The following ITGB6 variants were observed in gnomAD, a reference collection of about 807,000 sequenced individuals.
The protein encoded by ITGB6 is integrin beta-6.
Under a neutral mutation model 84.5 loss-of-function variants are expected in ITGB6, and 80 were observed. That is an observed-to-expected ratio of 0.95 (90% CI 0.79 to 1.14). The LOEUF (loss-of-function observed/expected upper bound fraction) is 1.14. Ranked by LOEUF, ITGB6 falls within the 50% of genes most tolerant of loss-of-function variation. ITGB6 has a pLI of 0.00. For missense variants in ITGB6, 1,006 were observed against 968.0 expected (o/e 1.04, Z -0.52); for synonymous variants, 383 against 354.9 (o/e 1.08, Z -0.89).
chr2:160,167,525 C>T (rs902822653), intron 7 of ITGB6, among the ~76,000 whole-genome samples: 6 of 152,198 alleles, frequency 3.9e-5, no homozygotes, highest in Non-Finnish European at 5.9e-5. Context: ...CAGATCATGA[C>T]AGAACATAAA....
intron 7 of ITGB6, among the ~76,000 whole-genome samples, chr2:160,147,397 CTT>C (rs1684238474): frequency 6.6e-6 from 1 of 152,066 alleles, no homozygotes; most frequent in Non-Finnish European, 1.5e-5. Flanking sequence ...ATAAATAAGA[CTT>C]AAAATTAATA....
In ITGB6 at chr2:160,112,226, G is replaced by T. The variant is rs777425736; in HGVS notation, c.1982-27C>A. On this transcript the variant is annotated intron_variant, in intron 12 of 14. Coordinates refer to ENST00000283249, the MANE Select transcript of ITGB6 (RefSeq NM_000888.5). ...TGCAGATAAAGGAGTCATTCATTAG[G>T]TTAAACAAGATTCCAAAAGAGATTG... The T allele has an allele frequency of 5.2e-6, 8 of 1,539,290 alleles. No homozygotes were observed. In the African/African-American group the frequency reaches 1.0e-4, roughly 20 times the overall value.
chr2:160,136,898 T>C (rs1275829831), intron 10 of ITGB6, among the ~76,000 whole-genome samples: 3 of 150,680 alleles, frequency 2.0e-5, no homozygotes, highest in Non-Finnish European at 4.4e-5. Flanking sequence ...CTGGGGCCTG[T>C]TGTGGGGTGG....
At chr2:160,192,656 G>T (rs767825334) in intron 4 of ITGB6, among the ~76,000 whole-genome samples, 4 of 151,972 alleles carry the variant, frequency 2.6e-5, no homozygotes, top group Non-Finnish European at 2.9e-5. Flanking sequence ...TTGACCAAAG[G>T]TATCGCCAGA....
chr2:160,113,788 T>C lies in ITGB6; in HGVS notation c.1982-1589A>G, dbSNP rs1188894740. Among the ~76,000 whole-genome samples, 7 of 152,212 alleles carry C rather than the reference T, an allele frequency of 4.6e-5. No homozygotes were observed. In the East Asian group the frequency reaches 1.3e-3, roughly 29 times the overall value. ...GATGTGTGTTATTTCATATATTTGA[T>C]TGCAAATGGTATTGCATATATAATT... On this transcript the variant is annotated intron_variant, in intron 12 of 14. Transcript: ENST00000283249.
In ITGB6 at chr2:160,186,142, G is replaced by A. The variant is rs574583349; in HGVS notation, c.593+9227C>T. 1.1e-4 allele frequency among the ~76,000 whole-genome samples: 16 copies of A among 152,086 alleles called. No individual in the cohort carries two copies. In the East Asian group the frequency reaches 2.7e-3, roughly 26 times the overall value. On this transcript the variant is annotated intron_variant, in intron 4 of 14. Coordinates refer to ENST00000283249, the MANE Select transcript of ITGB6 (RefSeq NM_000888.5). The stretch of plus-strand genomic sequence containing the variant: ...AAATGGGATCTAATTAAACTAAAGA[G>A]CTTCTGCACAGCAAAAGAAACTATT...
In ITGB6 at chr2:160,126,319, T is replaced by G. The variant is rs1234472133; in HGVS notation, c.1883+60A>C. 4.7e-6 allele frequency: 7 copies of G among 1,490,520 alleles called. No individual in the cohort carries two copies. The East Asian group carries it at 1.4e-4, about 29-fold the overall frequency. 92.3% of individuals were successfully genotyped at this position (1,490,520 alleles called of 1,614,324 possible). On this transcript the variant is annotated intron_variant, in intron 11 of 14. Transcript: ENST00000283249. ...GAGGTCTGAGTTTACAAAATGCCAC[T>G]GTAAGTTTGATCACTATAAACCTAT... is the stretch of plus-strand genomic sequence containing the variant.
chr2:160,154,450 G>A (rs1359748598), intron 7 of ITGB6, among the ~76,000 whole-genome samples: 1 of 151,938 alleles, frequency 6.6e-6, no homozygotes, highest in East Asian at 1.9e-4. Flanking sequence ...GGGGGCTGGG[G>A]GAGGGATAGC....
intron 13 of ITGB6, among the ~76,000 whole-genome samples, chr2:160,111,867 A>C (rs1336786743): frequency 6.6e-6 from 1 of 152,156 alleles, no homozygotes; most frequent in African/African-American, 2.4e-5. Flanking sequence ...GGTGTGAGCC[A>C]CCGTGCCCGA....
chr2:160,117,246 G>T (rs1682824424), intron 12 of ITGB6, among the ~76,000 whole-genome samples: 1 of 151,966 alleles, frequency 6.6e-6, no homozygotes, highest in Non-Finnish European at 1.5e-5. Context: ...TATTCCAAAA[G>T]TAACCACATA....
At chr2:160,134,896 G>A (rs995723803) in intron 10 of ITGB6, among the ~76,000 whole-genome samples, 2 of 152,032 alleles carry the variant, frequency 1.3e-5, no homozygotes, top group African/African-American at 2.4e-5. Context: ...GTATTGATGG[G>A]ACGTATCTCA....
chr2:160,179,323 C>T (rs1685565655), intron 4 of ITGB6, among the ~76,000 whole-genome samples: 1 of 151,490 alleles, frequency 6.6e-6, no homozygotes, highest in Non-Finnish European at 1.5e-5. Context: ...ACCATATACT[C>T]ATATATGTTT....
At chr2:160,196,632 T>C (rs1407695125) in intron 2 of ITGB6, among the ~76,000 whole-genome samples, 1 of 152,110 alleles carries the variant, frequency 6.6e-6, no homozygotes, top group East Asian at 1.9e-4. Context: ...TGAGTAAAAC[T>C]GGAGTCTCCT....
chr2:160,137,777 C>T lies in ITGB6; in HGVS notation c.1317G>A (p.Gly439=), dbSNP rs540945009. The T allele has an allele frequency of 1.1e-5, 18 of 1,614,086 alleles. No homozygotes were observed. Among genetic ancestry groups the T allele is most frequent in the Middle Eastern group, 1.6e-4 (1 of 6,084 alleles). The change falls in exon 10 of 15, where the codon GGG becomes GGA. Residue 439 remains glycine, a synonymous_variant. Transcript: ENST00000283249. The part of the protein sequence containing the change: ...RSRHIIIKPV[G]LGDALELLVS... Reference sequence around the variant, plus strand: ...CAAGTAATTCCAGGGCATCCCCCAGCCCCACAGGCTTTATGATAATGTGCC... The same window carrying T: ...CAAGTAATTCCAGGGCATCCCCCAGTCCCACAGGCTTTATGATAATGTGCC...
intron 6 of ITGB6, among the ~76,000 whole-genome samples, chr2:160,171,427 T>C (rs997586132): frequency 1.3e-5 from 2 of 150,602 alleles, no homozygotes; most frequent in Admixed American, 6.7e-5. Context: ...CTGCGCCTCC[T>C]GGGTTCACAC....
intron 7 of ITGB6, among the ~76,000 whole-genome samples, chr2:160,163,901 A>G (rs1418411751): frequency 6.6e-6 from 1 of 152,198 alleles, no homozygotes; most frequent in Non-Finnish European, 1.5e-5. Context: ...GTTCCCTATT[A>G]CACTATTATT....
At chr2:160,170,619 A>T (rs1421248351) in intron 6 of ITGB6, among the ~76,000 whole-genome samples, 1 of 152,140 alleles carries the variant, frequency 6.6e-6, no homozygotes, top group East Asian at 1.9e-4. Flanking sequence ...AATTCCCACA[A>T]CCATACTGTA....
chr2:160,136,433 A>G (rs1458597790), intron 10 of ITGB6, among the ~76,000 whole-genome samples: 1 of 152,134 alleles, frequency 6.6e-6, no homozygotes, highest in Non-Finnish European at 1.5e-5. Flanking sequence ...AGAAATAGGA[A>G]CACTTTTACA....
rs182169790 is a variant in ITGB6 at position 160,171,496 on chromosome 2, G to A, written c.921+1073C>T. 6.3e-3 allele frequency among the ~76,000 whole-genome samples: 950 copies of A among 151,990 alleles called. 8 individuals are homozygous for A. The highest frequency in any genetic ancestry group is 9.6e-3 in the Non-Finnish European group (651 of 67,952). On this transcript the variant is annotated intron_variant, in intron 6 of 14. Transcript: ENST00000283249. ...ACTACAGGCGCCCACCACCACGCCCGGCTAAATTTTTGTATTTTTTAGTAG... is the reference window on the plus strand; with the variant it reads ...ACTACAGGCGCCCACCACCACGCCCAGCTAAATTTTTGTATTTTTTAGTAG...
Sources: gnomAD v4.1 joint callset for allele counts (sites outside exome capture counted in the v4.1 genomes callset) on GRCh38, gnomAD v4.1.1 for gene constraint, MANE v1.5 for transcripts, NCBI Gene and HGNC (gene_info 2026-07-23, HGNC 2026-07-21) for gene names.